Variants in TTC23 observed in about 807,000 individuals in gnomAD.
TTC23 encodes tetratricopeptide repeat domain 23, also known as tetratricopeptide repeat protein 23.
In TTC23, 58 loss-of-function variants were observed where a neutral mutation model predicts 55.1. That is an observed-to-expected ratio of 1.05 (90% confidence interval 0.85 to 1.31). TTC23 has a LOEUF of 1.31. Among genes scored for constraint, TTC23 ranks in the 50% most tolerant of loss-of-function variants. TTC23 has a pLI of 0.00. For missense variants in TTC23, 516 were observed against 534.4 expected (o/e 0.97, Z 0.34); for synonymous variants, 203 against 199.9 (o/e 1.02, Z -0.13).
intron 8 of TTC23, among the ~76,000 whole-genome samples, chr15:99,213,388 ATCTGCTGGC>A (rs2077198068): frequency 1.3e-5 from 2 of 152,234 alleles, no homozygotes; most frequent in Non-Finnish European, 2.9e-5. Flanking sequence ...AGGGCCCGCC[ATCTGCTGGC>A]AAGGCTTGGT....
At chr15:99,217,110 A>C (rs956845658) in intron 8 of TTC23, among the ~76,000 whole-genome samples, 9 of 152,154 alleles carry the variant, frequency 5.9e-5, no homozygotes, top group African/African-American at 1.9e-4. Flanking sequence ...AAAAAATAAG[A>C]AGCAGAATGA....
chr15:99,150,152 C>T, intron 12 of TTC23, among the ~76,000 whole-genome samples: 1 of 152,262 alleles, frequency 6.6e-6, no homozygotes, highest in East Asian at 1.9e-4. Flanking sequence ...CCTGCAAGGC[C>T]TGCACGTAGG....
chr15:99,232,099 T>TA (rs1309766800), intron 4 of TTC23, among the ~76,000 whole-genome samples: 1 of 151,982 alleles, frequency 6.6e-6, no homozygotes, highest in African/African-American at 2.4e-5. Context: ...GCCTGTGTCT[T>TA]AGTTTTAACA....
In TTC23 at chr15:99,249,369, T is replaced by C. The variant is rs1236014420; in HGVS notation, c.-629A>G. On this transcript the variant is annotated 5_prime_UTR_variant, in exon 1 of 14. Coordinates refer to ENST00000394132, the MANE Select transcript of TTC23 (RefSeq NM_001288615.3). ...TCTGTAACTCTCCAATCTCCAACTATGTCGTAAAATCCCTTGCCAGTTTAC... is the reference window on the plus strand; with the variant it reads ...TCTGTAACTCTCCAATCTCCAACTACGTCGTAAAATCCCTTGCCAGTTTAC... 3.9e-5 allele frequency: 6 copies of C among 152,218 alleles called. No homozygotes were observed. The highest frequency in any genetic ancestry group is 1.4e-4 in the African/African-American group (6 of 41,452). 9.4% of individuals were successfully genotyped at this position (152,218 alleles called of 1,614,324 possible).
chr15:99,145,880 A>T (rs1369530365), intron 12 of TTC23, among the ~76,000 whole-genome samples: 1 of 152,062 alleles, frequency 6.6e-6, no homozygotes, highest in Non-Finnish European at 1.5e-5. Flanking sequence ...TGAAGGAGAA[A>T]GGGGGTGAGG....
intron 2 of TTC23, among the ~76,000 whole-genome samples, chr15:99,242,836 T>C (rs748573459): frequency 6.6e-6 from 1 of 152,238 alleles, no homozygotes; most frequent in Non-Finnish European, 1.5e-5. Context: ...GATAAAAGCC[T>C]GATTTTACAA....
Position 99,218,569 on chromosome 15 carries a change from T to A in TTC23, c.581+19A>T. ...GCCTCCCGCCATCATGTATGCAAAA[T>A]CCTAAACTTGAAACTTACTGTGCAA... On this transcript the variant is annotated intron_variant, in intron 8 of 13. Transcript: ENST00000394132. 3 of 1,614,050 alleles carry A rather than the reference T, an allele frequency of 1.9e-6. No individual in the cohort carries two copies. The highest frequency in any genetic ancestry group is 2.7e-5 in the African/African-American group (2 of 75,062).
chr15:99,218,083 C>G (rs553860673), intron 8 of TTC23, among the ~76,000 whole-genome samples: 4 of 152,344 alleles, frequency 2.6e-5, no homozygotes, highest in African/African-American at 9.6e-5. Flanking sequence ...GATAAAAGTA[C>G]TAACTATGCA....
In TTC23 at chr15:99,246,382, G is replaced by A. The variant is rs919987331; in HGVS notation, c.-430-872C>T. Among the ~76,000 whole-genome samples, 6 of 151,412 alleles carry A rather than the reference G, an allele frequency of 4.0e-5. No individual in the cohort carries two copies. In the East Asian group the frequency reaches 7.9e-4, roughly 20 times the overall value. ...TGTAATCCCAGCACTTTGGGAGGCC[G>A]AGGTGGGCAAATCACGAGGTCAAGA... On this transcript the variant is annotated intron_variant, in intron 1 of 13. Transcript: ENST00000394132.
At chr15:99,229,239 G>C (rs1051043362) in intron 4 of TTC23, among the ~76,000 whole-genome samples, 3 of 152,090 alleles carry the variant, frequency 2.0e-5, no homozygotes, top group African/African-American at 7.2e-5. Context: ...AATTGACCCT[G>C]AGGTAGAAAA....
intron 9 of TTC23, among the ~76,000 whole-genome samples, chr15:99,178,080 G>A (rs188066431): frequency 6.6e-5 from 10 of 152,294 alleles, no homozygotes; most frequent in Admixed American, 2.6e-4. Flanking sequence ...TACGCAGGAC[G>A]CTGAGGTGGG....
intron 9 of TTC23, among the ~76,000 whole-genome samples, chr15:99,197,671 C>A (rs1173252919): frequency 6.6e-6 from 1 of 151,858 alleles, no homozygotes; most frequent in Admixed American, 6.6e-5. Flanking sequence ...TTTGGGAGTC[C>A]AAGGTGGGCA....
intron 3 of TTC23, among the ~76,000 whole-genome samples, chr15:99,239,584 C>A (rs1031402017): frequency 1.3e-5 from 2 of 152,178 alleles, no homozygotes; most frequent in Admixed American, 1.3e-4. Flanking sequence ...TTTGCCTACA[C>A]CCTGTTGTAC....
intron 8 of TTC23, among the ~76,000 whole-genome samples, chr15:99,214,949 G>A (rs1297446946): frequency 4.3e-5 from 6 of 139,740 alleles, no homozygotes; most frequent in Admixed American, 1.6e-4. Context: ...TCTGCCTCTC[G>A]GGTTCAAGCA....
chr15:99,232,659 G>A (rs1434646301), intron 4 of TTC23, among the ~76,000 whole-genome samples: 3 of 152,120 alleles, frequency 2.0e-5, no homozygotes, highest in Non-Finnish European at 2.9e-5. Context: ...GATACATGTT[G>A]GTGAAGATGT....
At chr15:99,235,431 C>T (rs1199496023) in intron 3 of TTC23, among the ~76,000 whole-genome samples, 7 of 148,508 alleles carry the variant, frequency 4.7e-5, no homozygotes, top group East Asian at 4.0e-4. Flanking sequence ...AGTGCAGTGG[C>T]GCGATCTCGG....
chr15:99,181,591 T>G (rs1471581413), intron 9 of TTC23, among the ~76,000 whole-genome samples: 6 of 152,214 alleles, frequency 3.9e-5, no homozygotes, highest in Non-Finnish European at 7.4e-5. Flanking sequence ...CTTTTCACCC[T>G]GCCAAAACTG....
intron 4 of TTC23, among the ~76,000 whole-genome samples, chr15:99,228,941 T>A (rs556318549): frequency 1.0e-4 from 12 of 115,024 alleles, no homozygotes; most frequent in Admixed American, 3.0e-4. Flanking sequence ...CATATATATA[T>A]GCCTACATAC....
At chr15:99,183,849 C>T (rs2074406702) in intron 9 of TTC23, among the ~76,000 whole-genome samples, 1 of 152,150 alleles carries the variant, frequency 6.6e-6, no homozygotes, top group Non-Finnish European at 1.5e-5. Context: ...TGCCAGAGAC[C>T]TTCACAGCAG....
Sources: allele counts gnomAD v4.1 joint callset (sites outside exome capture counted in the v4.1 genomes callset), GRCh38; gene constraint gnomAD v4.1.1; transcripts MANE v1.5; gene names NCBI Gene and HGNC (gene_info 2026-07-23, HGNC 2026-07-21).